The following CREBBP variants were observed in gnomAD, a reference collection of about 807,000 sequenced individuals.
The protein encoded by CREBBP is CREB binding lysine acetyltransferase, also known as CREB-binding protein.
Under a neutral mutation model 265.0 loss-of-function variants are expected in CREBBP, and 19 were observed. That is an observed-to-expected ratio of 0.07 (90% confidence interval 0.05 to 0.11). The LOEUF (loss-of-function observed/expected upper bound fraction) is 0.11, where lower values mean the gene tolerates loss of function less well. Among genes scored for constraint, CREBBP ranks in the 10% least tolerant of loss-of-function variants. The pLI is 1.00. For synonymous variants in CREBBP, 1,457 were observed against 1,223.7 expected (o/e 1.19, Z -3.98); for missense variants, 2,525 against 3,219.0 (o/e 0.78, Z 5.22).
At chr16:3,827,021 T>C (rs1288557257) in intron 2 of CREBBP, among the ~76,000 whole-genome samples, 1 of 152,142 alleles carries the variant, frequency 6.6e-6, no homozygotes, top group Non-Finnish European at 1.5e-5. Context: ...ACTCAGTCAG[T>C]TGCACCGCCT....
chr16:3,755,013 T>C (rs1159957375), intron 19 of CREBBP, among the ~76,000 whole-genome samples: 2 of 152,250 alleles, frequency 1.3e-5, no homozygotes, highest in African/African-American at 4.8e-5. Flanking sequence ...CTAGAGAGCA[T>C]GCCTGTGATC....
intron 5 of CREBBP, among the ~76,000 whole-genome samples, chr16:3,789,836 T>G (rs901296674): frequency 3.8e-4 from 58 of 151,944 alleles, no homozygotes; most frequent in African/African-American, 1.4e-3. Context: ...TGAGAGAGCA[T>G]GCACAGAATC....
Position 3,778,039 on chromosome 16 carries a change from A to C in CREBBP, c.2085T>G (p.Ile695Met), listed in dbSNP as rs772653091. ...GAGGTCTCACAGGTTGTGCCTGTGG[A>C]ATCACAGGGGGCTGAGCCCCCGGGG... is the stretch of plus-strand genomic sequence containing the variant. ...LPAPGAQPPVIPQAQPVRPPN... is the reference protein window; with the variant it reads ...LPAPGAQPPVMPQAQPVRPPN... The change falls in exon 10 of 31, where the codon ATT becomes ATG. Residue 695 changes from isoleucine to methionine, a missense_variant. Physicochemically the swap from Ile to Met is conservative, Grantham distance 10. Transcript: ENST00000262367. 6.2e-7 allele frequency: 1 copy of C among 1,614,078 alleles called. No homozygotes were observed. Among genetic ancestry groups the C allele is most frequent in the African/African-American group, 1.3e-5 (1 of 74,944 alleles).
chr16:3,754,301 A>G (rs923583033), intron 19 of CREBBP, among the ~76,000 whole-genome samples: 2 of 152,236 alleles, frequency 1.3e-5, no homozygotes, highest in Non-Finnish European at 2.9e-5. Flanking sequence ...TAGTAAAATC[A>G]GCTAAAGCAA....
intron 1 of CREBBP, among the ~76,000 whole-genome samples, chr16:3,862,437 G>C (rs1478189755): frequency 6.6e-6 from 1 of 152,190 alleles, no homozygotes; most frequent in Non-Finnish European, 1.5e-5. Context: ...CTGGAGTGCA[G>C]TGACACAATC....
intron 30 of CREBBP, among the ~76,000 whole-genome samples, chr16:3,730,360 TC>T (rs1346475823): frequency 6.6e-6 from 1 of 152,058 alleles, no homozygotes; most frequent in Non-Finnish European, 1.5e-5. Flanking sequence ...GGCCGGTCCC[TC>T]CCAAAGCGCC....
chr16:3,795,589 G>T (rs1028021353), intron 3 of CREBBP, among the ~76,000 whole-genome samples: 4 of 151,970 alleles, frequency 2.6e-5, no homozygotes, highest in African/African-American at 9.7e-5. Context: ...TCTTGTTATG[G>T]GGCATAAACT....
At chr16:3,824,361 T>C (rs2054198945) in intron 2 of CREBBP, among the ~76,000 whole-genome samples, 2 of 152,190 alleles carry the variant, frequency 1.3e-5, no homozygotes, top group South Asian at 2.1e-4. Context: ...CTATCTCTAA[T>C]CAAATAATCT....
At chr16:3,764,334 T>A (rs902008238) in intron 16 of CREBBP, among the ~76,000 whole-genome samples, 1 of 152,142 alleles carries the variant, frequency 6.6e-6, no homozygotes, top group Non-Finnish European at 1.5e-5. Flanking sequence ...TAGAACGCAC[T>A]GGCACAATCA....
At chr16:3,863,145 G>C (rs1490871227) in intron 1 of CREBBP, among the ~76,000 whole-genome samples, 1 of 152,204 alleles carries the variant, frequency 6.6e-6, no homozygotes, top group Non-Finnish European at 1.5e-5. Context: ...CAATATTCAA[G>C]AGTGCTACCT....
rs772893885 is a variant in CREBBP at position 3,726,354 on chromosome 16, CCTAA to C, written c.*1360_*1363del. 9 of 233,142 alleles carry C rather than the reference CCTAA, an allele frequency of 3.9e-5. No individual in the cohort carries two copies. Among genetic ancestry groups the C allele is most frequent in the Admixed American group, 5.6e-5 (1 of 17,770 alleles). The allele number at this position is 233,142 out of a possible 1,614,324, so 14.4% of individuals were successfully genotyped here. Reference sequence around the variant, plus strand: ...ATGCAGTTTCAGACCAACTGACGACCCTAACTGTGTGAGCGACAATCACCTGTGA... The same window carrying C: ...ATGCAGTTTCAGACCAACTGACGACCCTGTGTGAGCGACAATCACCTGTGA... On this transcript the variant is annotated 3_prime_UTR_variant, in exon 31 of 31. Coordinates refer to ENST00000262367, the MANE Select transcript of CREBBP (RefSeq NM_004380.3).
chr16:3,745,661 C>T (rs1004023209), intron 21 of CREBBP: 7 of 438,360 alleles, frequency 1.6e-5, no homozygotes, highest in South Asian at 8.7e-5. Flanking sequence ...TTTCACAGGC[C>T]GGTATTTCTG....
intron 11 of CREBBP, among the ~76,000 whole-genome samples, chr16:3,775,087 G>A (rs1010172763): frequency 3.3e-5 from 5 of 152,282 alleles, no homozygotes; most frequent in Non-Finnish European, 7.4e-5. Flanking sequence ...ACAAGCTACA[G>A]AAGAGATGTT....
At chr16:3,813,584 A>G (rs1693579420) in intron 2 of CREBBP, among the ~76,000 whole-genome samples, 1 of 152,280 alleles carries the variant, frequency 6.6e-6, no homozygotes, top group East Asian at 1.9e-4. Flanking sequence ...AACAACACGA[A>G]CAACAACAAA....
intron 4 of CREBBP, 111 bp from the exon 5 acceptor site, chr16:3,792,205 C>CATTTTCTT: frequency 1.1e-6 from 1 of 944,632 alleles, no homozygotes; most frequent in Non-Finnish European, 1.7e-6. Context: ...CAAGTGTAAC[C>CATTTTCTT]ATAACACAGT....
chr16:3,764,453 T>C (rs2052798317), intron 16 of CREBBP, among the ~76,000 whole-genome samples: 1 of 151,858 alleles, frequency 6.6e-6, no homozygotes, highest in Non-Finnish European at 1.5e-5. Context: ...TTTTAAACTG[T>C]TTTGTAGAGA....
chr16:3,861,370 G>A (rs2055069764), intron 1 of CREBBP, among the ~76,000 whole-genome samples: 1 of 152,230 alleles, frequency 6.6e-6, no homozygotes, highest in Non-Finnish European at 1.5e-5. Context: ...ACTGAGCTTG[G>A]CATGCAGTAA....
At chr16:3,841,455 T>C (rs1003918232) in intron 2 of CREBBP, among the ~76,000 whole-genome samples, 1 of 152,110 alleles carries the variant, frequency 6.6e-6, no homozygotes, top group Non-Finnish European at 1.5e-5. Context: ...TAAAGGTGTA[T>C]ATAAGAGAAT....
rs994506417 is a variant in CREBBP, at chr16:3,725,796, C to G, written c.*1922G>C. 8.6e-6 allele frequency: 2 copies of G among 233,210 alleles called. No individual in the cohort carries two copies. Among genetic ancestry groups the G allele is most frequent in the East Asian group, 1.2e-4 (2 of 16,582 alleles). The allele number at this position is 233,210 out of a possible 1,614,324, so 14.4% of individuals were successfully genotyped here. Reference sequence around the variant, plus strand: ...AAACCTATCTGTGAATGTAAGGGCCCAAACGGAAGCTATTTGGGGCGTGAT... The same window carrying G: ...AAACCTATCTGTGAATGTAAGGGCCGAAACGGAAGCTATTTGGGGCGTGAT... On this transcript the variant is annotated 3_prime_UTR_variant, in exon 31 of 31. Coordinates refer to ENST00000262367, the MANE Select transcript of CREBBP (RefSeq NM_004380.3).
Sources: allele counts gnomAD v4.1 joint callset (sites outside exome capture counted in the v4.1 genomes callset), GRCh38; gene constraint gnomAD v4.1.1; transcripts MANE v1.5; gene names NCBI Gene and HGNC (gene_info 2026-07-23, HGNC 2026-07-21).